The following MYO5C variants were observed in gnomAD, a reference collection of about 807,000 sequenced individuals.
MYO5C encodes myosin VC, also known as unconventional myosin-Vc.
In MYO5C, 194 loss-of-function variants were observed where a neutral mutation model predicts 235.7. The observed-to-expected ratio is 0.82, with a 90% CI of 0.73 to 0.93. The LOEUF (loss-of-function observed/expected upper bound fraction) is 0.93. MYO5C is among the 40% of genes least tolerant of loss of function. The pLI, the probability that MYO5C is intolerant of heterozygous loss-of-function variation, is 0.00. For missense variants in MYO5C, 2,038 were observed against 2,127.2 expected, an observed-to-expected ratio of 0.96 and a Z score of 0.82; for synonymous variants, 707 against 754.8, an observed-to-expected ratio of 0.94 and a Z score of 1.04.
intron 38 of MYO5C, among the ~76,000 whole-genome samples, chr15:52,198,450 T>C (rs1004795675): frequency 5.3e-5 from 8 of 152,242 alleles, no homozygotes; most frequent in African/African-American, 1.9e-4. Context: ...TTCCATAGGA[T>C]AGTGGGTGTG....
Position 52,246,941 on chromosome 15 carries a change from G to C in MYO5C, c.1955C>G (p.Pro652Arg). The C allele has an allele frequency of 1.9e-6, 3 of 1,614,090 alleles. No homozygotes were observed. Among genetic ancestry groups the C allele is most frequent in the Non-Finnish European group, 2.5e-6 (3 of 1,179,960 alleles). Reference sequence around the variant, plus strand: ...CTCAAAGGGTAACTTCTCATCATTTGGCTTGATGCATCGAACGTAGTGGGG... The same window carrying C: ...CTCAAAGGGTAACTTCTCATCATTTCGCTTGATGCATCGAACGTAGTGGGG... ...TTPHYVRCIKPNDEKLPFEFD... is the reference protein window; with the variant it reads ...TTPHYVRCIKRNDEKLPFEFD... Residue 652 changes from proline (P) to arginine (R), a missense_variant, in exon 16 of 41, where the codon CCA (proline) becomes CGA (arginine). Transcript: ENST00000261839.
At position 52,193,714 on chromosome 15, in the gene MYO5C, G is replaced by C. The variant is rs749635058; in HGVS notation, c.*188C>G. ...GCTTTTCCAAATACAGCTGGTGTGTGTGAATTCTTACAAAATTACAGGAGC... is the reference window on the plus strand; with the variant it reads ...GCTTTTCCAAATACAGCTGGTGTGTCTGAATTCTTACAAAATTACAGGAGC... On this transcript the variant is annotated 3_prime_UTR_variant, in exon 41 of 41. Coordinates refer to ENST00000261839, the MANE Select transcript of MYO5C (RefSeq NM_018728.4). The C allele has an allele frequency of 3.3e-6, 2 of 607,576 alleles. No individual in the cohort carries two copies. The highest frequency in any genetic ancestry group is 5.6e-6 in the Non-Finnish European group (2 of 355,028). 37.6% of individuals were successfully genotyped at this position (607,576 alleles called of 1,614,324 possible).
At chr15:52,285,722 C>T (rs750733187) in intron 1 of MYO5C, among the ~76,000 whole-genome samples, 5 of 152,260 alleles carry the variant, frequency 3.3e-5, no homozygotes, top group African/African-American at 1.2e-4. Flanking sequence ...CCGCCAGCCT[C>T]GGCTTCCCGA....
At position 52,208,545 on chromosome 15, in the gene MYO5C, G is replaced by A. The variant is rs753866822; in HGVS notation, c.4386+9C>T. 12 of 1,612,646 alleles carry A rather than the reference G, an allele frequency of 7.4e-6. No individual in the cohort carries two copies. Among genetic ancestry groups the A allele is most frequent in the Middle Eastern group, 1.7e-4 (1 of 6,056 alleles). ...AGCACAAAACAACAAGCAGGTGGGC[G>A]CCCCCTACCTCTTCTCCGCTGTACT... On this transcript the variant is annotated intron_variant, in intron 36 of 40. Coordinates refer to ENST00000261839, the MANE Select transcript of MYO5C (RefSeq NM_018728.4).
intron 12 of MYO5C, 29 bp downstream of exon 12, chr15:52,253,288 T>C (rs1486331670): frequency 6.3e-6 from 10 of 1,594,406 alleles, no homozygotes; most frequent in Non-Finnish European, 7.7e-6. Flanking sequence ...ACTTAAAAGC[T>C]GAAAAAAACA....
At chr15:52,219,334 T>C (rs2035625935) in intron 31 of MYO5C, among the ~76,000 whole-genome samples, 1 of 152,246 alleles carries the variant, frequency 6.6e-6, no homozygotes, top group African/African-American at 2.4e-5. Context: ...TCCATCAACA[T>C]GGGCTTTTAA....
chr15:52,228,231 C>T lies in MYO5C; in HGVS notation c.3207+902G>A, dbSNP rs549804360. ...CGATCTCGGCTCACTGCAACCTCCG[C>T]CTCCCAGGTTCAAGCAATTCTCCTG... is the stretch of plus-strand genomic sequence containing the variant. On this transcript the variant is annotated intron_variant, in intron 25 of 40. Coordinates refer to ENST00000261839, the MANE Select transcript of MYO5C (RefSeq NM_018728.4). 1.3e-4 allele frequency among the ~76,000 whole-genome samples: 20 copies of T among 152,196 alleles called. 1 individual carries two copies. The South Asian group carries it at 3.9e-3, about 30-fold the overall frequency.
intron 24 of MYO5C, among the ~76,000 whole-genome samples, chr15:52,232,033 C>A (rs1027960644): frequency 4.6e-5 from 7 of 150,650 alleles, no homozygotes; most frequent in African/African-American, 1.5e-4. Context: ...AATCTTAATT[C>A]TTGGATTTGG....
At chr15:52,288,060 G>A (rs2037313779) in intron 1 of MYO5C, among the ~76,000 whole-genome samples, 1 of 152,116 alleles carries the variant, frequency 6.6e-6, no homozygotes. Context: ...CTGGAGCTGA[G>A]AGCCCTGGGG....
chr15:52,265,542 TG>T lies in MYO5C; in HGVS notation c.941-1247del, dbSNP rs1193510625. Among the ~76,000 whole-genome samples, 221 of 138,182 alleles carry T rather than the reference TG, an allele frequency of 1.6e-3. 1 individual carries two copies. The highest frequency in any genetic ancestry group is 2.6e-3 in the Non-Finnish European group (169 of 65,910). 90.7% of individuals were successfully genotyped at this position (138,182 alleles called of 152,430 possible). On this transcript the variant is annotated intron_variant, in intron 8 of 40. Coordinates refer to ENST00000261839, the MANE Select transcript of MYO5C (RefSeq NM_018728.4). ...AACAATTTCAAAACCTACAGTTTTT[TG>T]TTTTTTTTTTTTTGAGACAAGGTCT...
At chr15:52,224,409 G>T (rs1191573848) in intron 28 of MYO5C, among the ~76,000 whole-genome samples, 1 of 152,178 alleles carries the variant, frequency 6.6e-6, no homozygotes, top group African/African-American at 2.4e-5. Context: ...TAGACTTGAG[G>T]TGACAGTGGC....
chr15:52,259,863 G>A (rs2036655133), intron 10 of MYO5C, among the ~76,000 whole-genome samples: 1 of 152,244 alleles, frequency 6.6e-6, no homozygotes, highest in African/African-American at 2.4e-5. Flanking sequence ...TCCCCAGGAG[G>A]CAGCAGCAGG....
At chr15:52,206,027 C>T (rs572982802) in intron 36 of MYO5C, 61 bp from the exon 37 acceptor site, 1 of 1,044,768 alleles carries the variant, frequency 9.6e-7, no homozygotes, top group Admixed American at 2.5e-5. Flanking sequence ...AATTAATAAT[C>T]AGCTACTATA....
At chr15:52,275,517 C>T in intron 5 of MYO5C, 45 bp downstream of exon 5, 2 of 1,610,606 alleles carry the variant, frequency 1.2e-6, no homozygotes, top group Non-Finnish European at 1.7e-6. Flanking sequence ...AACCAACCCC[C>T]ATTTCCATCA....
At position 52,211,734 on chromosome 15, in the gene MYO5C, A is replaced by C. The variant is rs1822692566; in HGVS notation, c.4292T>G (p.Val1431Gly). The change falls in exon 35 of 41, where the codon GTT becomes GGT. Residue 1431 changes from valine to glycine, a missense_variant. Coordinates refer to ENST00000261839, the MANE Select transcript of MYO5C (RefSeq NM_018728.4). ...NSTINGIKQV[V>G]KEHLEDFEML... ...AATGTCAAAGGCATTTCCTACCTTA[A>C]CCACCTGCTTGATGCCATTAATGGT... 6.2e-7 allele frequency: 1 copy of C among 1,613,360 alleles called. No homozygotes were observed. Among genetic ancestry groups the C allele is most frequent in the African/African-American group, 1.3e-5 (1 of 74,900 alleles).
chr15:52,207,115 A>C (rs2035336136), intron 36 of MYO5C, among the ~76,000 whole-genome samples: 1 of 152,080 alleles, frequency 6.6e-6, no homozygotes, highest in Non-Finnish European at 1.5e-5. Context: ...CCTGGGTGAC[A>C]GAGTGAGACC....
At chr15:52,241,250 CTTTTTTTTT>C (rs71130143) in intron 20 of MYO5C, among the ~76,000 whole-genome samples, 1 of 59,578 alleles carries the variant, frequency 1.7e-5, no homozygotes, top group Non-Finnish European at 2.9e-5. Context: ...GTGGGCTAAT[CTTTTTTTTT>C]TTTTTTTTTT....
chr15:52,213,517 T>A (rs1425464668), intron 33 of MYO5C: 2 of 414,878 alleles, frequency 4.8e-6, no homozygotes, highest in African/African-American at 4.0e-5. Context: ...AATTATCCTT[T>A]GAAGAGCCTT....
At chr15:52,279,378 C>A in intron 3 of MYO5C, 131 bp downstream of exon 3, 1 of 891,340 alleles carries the variant, frequency 1.1e-6, no homozygotes, top group East Asian at 2.6e-5. Context: ...GTTGAAGATT[C>A]TCCCCACCCA....
Sources: allele counts gnomAD v4.1 joint callset (sites outside exome capture counted in the v4.1 genomes callset), GRCh38; gene constraint gnomAD v4.1.1; transcripts MANE v1.5; gene names NCBI Gene and HGNC (gene_info 2026-07-23, HGNC 2026-07-21).